ZNF804B: variants seen among roughly 807,000 people sequenced by gnomAD.
ZNF804B encodes the protein zinc finger 804B.
A neutral mutation model predicts 101.4 loss-of-function variants in ZNF804B; 80 were observed. The observed-to-expected ratio is 0.79, with a 90% confidence interval of 0.66 to 0.95. The LOEUF is 0.95. ZNF804B is among the 40% of genes least tolerant of loss of function. The pLI is 0.00. For synonymous variants in ZNF804B, 622 were observed against 558.8 expected, an observed-to-expected ratio of 1.11 and a Z score of -1.59; for missense variants, 1,673 against 1,561.9, an observed-to-expected ratio of 1.07 and a Z score of -1.20.
At chr7:89,291,788 A>G (rs1790295792) in intron 2 of ZNF804B, among the ~76,000 whole-genome samples, 1 of 152,122 alleles carries the variant, frequency 6.6e-6, no homozygotes, top group Admixed American at 6.6e-5. Flanking sequence ...AAAGTTATAC[A>G]ATACCAAACA....
At chr7:89,235,438 G>A (rs1308526415) in intron 2 of ZNF804B, among the ~76,000 whole-genome samples, 1 of 152,136 alleles carries the variant, frequency 6.6e-6, no homozygotes, top group Non-Finnish European at 1.5e-5. Flanking sequence ...GGTACACATG[G>A]ACTAAATCCA....
chr7:89,189,297 C>T (rs574930109), intron 1 of ZNF804B, among the ~76,000 whole-genome samples: 2 of 152,068 alleles, frequency 1.3e-5, no homozygotes, highest in Non-Finnish European at 2.9e-5. Context: ...GTGTTTCTGC[C>T]CATTGACAAT....
intron 1 of ZNF804B, among the ~76,000 whole-genome samples, chr7:88,799,274 G>T (rs936805218): frequency 6.6e-5 from 10 of 152,026 alleles, no homozygotes; most frequent in African/African-American, 2.4e-4. Flanking sequence ...CCATGCACTA[G>T]ATACTTTTAC....
chr7:88,871,623 A>G (rs1305026331), intron 1 of ZNF804B, among the ~76,000 whole-genome samples: 1 of 152,200 alleles, frequency 6.6e-6, no homozygotes, highest in East Asian at 1.9e-4. Flanking sequence ...TCAGTACACA[A>G]TATGATGCTA....
At chr7:89,159,582 C>G (rs1360200997) in intron 1 of ZNF804B, among the ~76,000 whole-genome samples, 1 of 152,034 alleles carries the variant, frequency 6.6e-6, no homozygotes, top group Non-Finnish European at 1.5e-5. Context: ...TATGGAGGTT[C>G]CTATTACAAC....
At chr7:88,976,553 A>G (rs969592770) in intron 1 of ZNF804B, among the ~76,000 whole-genome samples, 1 of 151,644 alleles carries the variant, frequency 6.6e-6, no homozygotes, top group Admixed American at 6.6e-5. Flanking sequence ...TCGCTGGCAT[A>G]TGGAAATGCT....
intron 1 of ZNF804B, among the ~76,000 whole-genome samples, chr7:88,871,563 G>A (rs988723660): frequency 6.6e-6 from 1 of 151,944 alleles, no homozygotes; most frequent in Non-Finnish European, 1.5e-5. Context: ...GTGGAACTGA[G>A]CAAAATGTAA....
At chr7:89,255,321 T>C (rs1161550801) in intron 2 of ZNF804B, among the ~76,000 whole-genome samples, 1 of 152,150 alleles carries the variant, frequency 6.6e-6, no homozygotes, top group Non-Finnish European at 1.5e-5. Context: ...ATGGGGATTA[T>C]GGGGATTACA....
intron 1 of ZNF804B, among the ~76,000 whole-genome samples, chr7:88,804,304 C>T (rs549740682): frequency 6.6e-6 from 1 of 152,094 alleles, no homozygotes; most frequent in East Asian, 1.9e-4. Context: ...TAGGTTTTTA[C>T]CTATTAAAAA....
At chr7:89,308,401 AT>A (rs1790598328) in intron 2 of ZNF804B, among the ~76,000 whole-genome samples, 1 of 152,280 alleles carries the variant, frequency 6.6e-6, no homozygotes, top group East Asian at 1.9e-4. Context: ...GTCAAATTTG[AT>A]TCAGTTAGAC....
intron 1 of ZNF804B, among the ~76,000 whole-genome samples, chr7:88,812,439 A>G (rs562086895): frequency 6.6e-6 from 1 of 152,342 alleles, no homozygotes; most frequent in Admixed American, 6.5e-5. Context: ...TGCAACCACC[A>G]TGGAAAACTG....
intron 2 of ZNF804B, among the ~76,000 whole-genome samples, chr7:89,281,252 T>G: frequency 6.6e-6 from 1 of 152,208 alleles, no homozygotes; most frequent in East Asian, 1.9e-4. Flanking sequence ...TCTTTTATTT[T>G]GGCTCCCAGG....
intron 1 of ZNF804B, among the ~76,000 whole-genome samples, chr7:89,114,358 T>C (rs917082287): frequency 2.6e-5 from 4 of 152,136 alleles, no homozygotes; most frequent in Non-Finnish European, 5.9e-5. Context: ...TCATGCAAAA[T>C]ATGCAAATGA....
intron 1 of ZNF804B, among the ~76,000 whole-genome samples, chr7:88,886,254 G>C (rs1192640107): frequency 1.3e-5 from 2 of 151,992 alleles, no homozygotes; most frequent in African/African-American, 2.4e-5. Context: ...CAGATTTCTT[G>C]CTCTGCATGG....
intron 1 of ZNF804B, among the ~76,000 whole-genome samples, chr7:89,148,769 T>G (rs1790827000): frequency 6.6e-6 from 1 of 152,082 alleles, no homozygotes; most frequent in Non-Finnish European, 1.5e-5. Context: ...ACCTAGAAAA[T>G]CTAATAAATT....
At chr7:89,319,088 C>G (rs1009900013) in intron 2 of ZNF804B, among the ~76,000 whole-genome samples, 4 of 152,058 alleles carry the variant, frequency 2.6e-5, no homozygotes, top group Non-Finnish European at 5.9e-5. Flanking sequence ...GGTTTTCCGC[C>G]CTGGGCAGGC....
In ZNF804B at chr7:89,337,120, A is replaced by T. The variant is rs1791110086; in HGVS notation, c.*88A>T. Reference sequence around the variant, plus strand: ...TTTAAAGAAGTCTGTCAATTATAAGATTTAAAATATTGCTGCCAATTCAAA... The same window carrying T: ...TTTAAAGAAGTCTGTCAATTATAAGTTTTAAAATATTGCTGCCAATTCAAA... On this transcript the variant is annotated 3_prime_UTR_variant, in exon 4 of 4. Transcript: ENST00000333190. 1.6e-6 allele frequency: 2 copies of T among 1,277,406 alleles called. No individual in the cohort carries two copies. The highest frequency in any genetic ancestry group is 5.0e-5 in the East Asian group (2 of 39,838). The allele number at this position is 1,277,406 out of a possible 1,614,324, so 79.1% of individuals were successfully genotyped here.
intron 1 of ZNF804B, among the ~76,000 whole-genome samples, chr7:88,892,582 TA>T (rs925168692): frequency 6.6e-6 from 1 of 152,104 alleles, no homozygotes; most frequent in Admixed American, 6.6e-5. Context: ...TGCAGACTTC[TA>T]AAAAAATGTA....
intron 1 of ZNF804B, among the ~76,000 whole-genome samples, chr7:88,785,048 T>A (rs1790280274): frequency 6.6e-6 from 1 of 152,152 alleles, no homozygotes; most frequent in Non-Finnish European, 1.5e-5. Context: ...CAGAAATTGA[T>A]TTACAAATCT....
Sources: gnomAD v4.1 joint callset for allele counts (sites outside exome capture counted in the v4.1 genomes callset) on GRCh38, gnomAD v4.1.1 for gene constraint, MANE v1.5 for transcripts, NCBI Gene and HGNC (gene_info 2026-07-23, HGNC 2026-07-21) for gene names.